The following PRKAR1A variants were observed in gnomAD, a reference collection of about 807,000 sequenced individuals.
The protein encoded by PRKAR1A is cAMP-dependent protein kinase type I-alpha regulatory subunit.
A neutral mutation model predicts 52.0 loss-of-function variants in PRKAR1A; 3 were observed. The observed-to-expected ratio is 0.06, with a 90% CI of 0.03 to 0.15. The LOEUF (loss-of-function observed/expected upper bound fraction) is 0.15, where lower values mean the gene tolerates loss of function less well. Ranked by LOEUF, PRKAR1A falls within the 10% of genes least tolerant of loss-of-function variation. The pLI, the probability that PRKAR1A is intolerant of heterozygous loss-of-function variation, is 1.00. For synonymous variants in PRKAR1A, 188 were observed against 168.4 expected (o/e 1.12, Z -0.90); for missense variants, 240 against 477.4 (o/e 0.50, Z 4.63).
the PRKAR1A span, among the ~76,000 whole-genome samples, chr17:68,437,005 A>AAAAATATATAT: frequency 3.7e-5 from 4 of 107,264 alleles, no homozygotes; most frequent in South Asian, 5.6e-4. Flanking sequence ...AAAAAAAAAA[A>AAAAATATATAT]ATATATATAT....
chr17:68,421,923 G>C, the PRKAR1A span: 1 of 1,466,690 alleles, frequency 6.8e-7, no homozygotes, highest in Non-Finnish European at 9.5e-7. Flanking sequence ...GCAGGGAGAG[G>C]CTGGGCACTG....
chr17:68,537,421 T>G (rs775363446), downstream of PRKAR1A: 17 of 1,611,256 alleles, frequency 1.1e-5, no homozygotes, highest in Non-Finnish European at 1.4e-5. The surrounding 1 kb of genome is among the most constrained non-coding windows in gnomAD (Gnocchi z 4.2). Flanking sequence ...GGGTCGGCAC[T>G]CGAGTCGACT....
the PRKAR1A span, among the ~76,000 whole-genome samples, chr17:68,436,784 G>A: frequency 1.3e-5 from 2 of 152,080 alleles, no homozygotes; most frequent in East Asian, 3.9e-4. Flanking sequence ...ATCACTTGAG[G>A]TCAGGAGTTC....
chr17:68,437,005 A>AAAATATATAT, the PRKAR1A span, among the ~76,000 whole-genome samples: 77 of 107,252 alleles, frequency 7.2e-4, 1 homozygote, highest in Non-Finnish European at 1.2e-3. Context: ...AAAAAAAAAA[A>AAAATATATAT]ATATATATAT....
At chr17:68,528,257 T>C (rs887602521) in intron 8 of PRKAR1A, among the ~76,000 whole-genome samples, 1 of 152,226 alleles carries the variant, frequency 6.6e-6, no homozygotes, top group Non-Finnish European at 1.5e-5. Context: ...CATTTTGTTA[T>C]GTGGACTTGG....
chr17:68,430,343 T>C, the PRKAR1A span, among the ~76,000 whole-genome samples: 1 of 152,170 alleles, frequency 6.6e-6, no homozygotes. Context: ...CTAAAGAGCA[T>C]CAAGGGCTTG....
chr17:68,506,323 G>T, the PRKAR1A span, among the ~76,000 whole-genome samples: 1 of 152,030 alleles, frequency 6.6e-6, no homozygotes, highest in East Asian at 1.9e-4. Context: ...GGACTAACTG[G>T]GTACCATTAT....
At chr17:68,490,666 G>A in the PRKAR1A span, among the ~76,000 whole-genome samples, 1 of 151,998 alleles carries the variant, frequency 6.6e-6, no homozygotes, top group Non-Finnish European at 1.5e-5. Flanking sequence ...CGTGTCCTGT[G>A]GTATGGAGAT....
intron 11 of PRKAR1A, among the ~76,000 whole-genome samples, chr17:68,546,699 C>G (rs550402911): frequency 2.6e-5 from 4 of 151,598 alleles, no homozygotes; most frequent in African/African-American, 7.3e-5. Context: ...GCATGGTGGC[C>G]GGCGCCTGTA....
intron 6 of PRKAR1A, among the ~76,000 whole-genome samples, chr17:68,525,269 C>G (rs567983431): frequency 5.3e-4 from 70 of 133,012 alleles, no homozygotes; most frequent in Middle Eastern, 8.4e-3. Context: ...CCAGCCTGGG[C>G]AACAAAGTGA....
chr17:68,541,401 TCTTCTCAGC>T (rs775639426), intron 11 of PRKAR1A: 9 of 221,670 alleles, frequency 4.1e-5, no homozygotes, highest in Non-Finnish European at 6.4e-5. Context: ...ATCCGAGGGC[TCTTCTCAGC>T]CTTCACAGAG....
At chr17:68,499,406 G>GAGAGAGAGAGAGAGAGA in the PRKAR1A span, among the ~76,000 whole-genome samples, 4 of 149,342 alleles carry the variant, frequency 2.7e-5, no homozygotes, top group Non-Finnish European at 4.4e-5. Flanking sequence ...GAGAGAGAGA[G>GAGAGAGAGAGAGAGAGA]GAGGGATATA....
In PRKAR1A at chr17:68,538,491, T is replaced by A. The variant is rs1389568798; in HGVS notation, c.973+8490T>A. Among the ~76,000 whole-genome samples the A allele has an allele frequency of 2.0e-5, 3 of 152,260 alleles. No homozygotes were observed. In the East Asian group the frequency reaches 5.8e-4, roughly 29 times the overall value. The stretch of plus-strand genomic sequence containing the variant: ...CATATTTATAATTAGCTCTGCATAC[T>A]GCAGCTGAGCAGGTGGTCAATTTTA... On this transcript the variant is annotated intron_variant, in intron 11 of 11. Coordinates refer to the PRKAR1A transcript ENST00000585981.
At chr17:68,538,055 G>A (rs1007652669), downstream of PRKAR1A, among the ~76,000 whole-genome samples, 1 of 152,180 alleles carries the variant, frequency 6.6e-6, no homozygotes, top group African/African-American at 2.4e-5. Context: ...TGATACTTAG[G>A]ATTTTTCAAG....
At chr17:68,435,455 A>G in the PRKAR1A span, among the ~76,000 whole-genome samples, 1 of 152,254 alleles carries the variant, frequency 6.6e-6, no homozygotes, top group African/African-American at 2.4e-5. Context: ...ATGCATGAAT[A>G]TACCACACAT....
the PRKAR1A span, among the ~76,000 whole-genome samples, chr17:68,437,948 TAAAA>T: frequency 2.5e-5 from 2 of 78,806 alleles, no homozygotes; most frequent in African/African-American, 4.8e-5. Context: ...ACATCTCTCT[TAAAA>T]AAAAAAAAAA....
chr17:68,516,807 CTTAT>C (rs1185281352), intron 2 of PRKAR1A, among the ~76,000 whole-genome samples: 3 of 151,568 alleles, frequency 2.0e-5, no homozygotes, highest in Non-Finnish European at 4.4e-5. Context: ...CTGGCTTTCT[CTTAT>C]TTATGCAATT....
chr17:68,483,170 A>G, the PRKAR1A span, among the ~76,000 whole-genome samples: 10 of 151,332 alleles, frequency 6.6e-5, no homozygotes, highest in Non-Finnish European at 1.3e-4. Context: ...ATATTGGTTC[A>G]TACAAATCAT....
At chr17:68,477,169 T>C in the PRKAR1A span, among the ~76,000 whole-genome samples, 3 of 152,234 alleles carry the variant, frequency 2.0e-5, no homozygotes, top group African/African-American at 7.2e-5. Context: ...CATATGACAG[T>C]AATGATCATA....
Sources: gnomAD v4.1 joint callset for allele counts (sites outside exome capture counted in the v4.1 genomes callset) on GRCh38, gnomAD v4.1.1 for gene constraint, Gnocchi (gnomAD v3.1) non-coding constraint, MANE v1.5 for transcripts, NCBI Gene and HGNC (gene_info 2026-07-23, HGNC 2026-07-21) for gene names.